CNTNAP4: variants seen among roughly 807,000 people sequenced by gnomAD.
CNTNAP4 encodes the protein contactin associated protein family member 4, also known as contactin-associated protein-like 4.
Under a neutral mutation model 148.4 loss-of-function variants are expected in CNTNAP4, and 98 were observed. That is an observed-to-expected ratio of 0.66 (90% CI 0.56 to 0.78). CNTNAP4 has a LOEUF of 0.78. CNTNAP4 is among the 30% of genes least tolerant of loss of function. The pLI is 0.00. For synonymous variants in CNTNAP4, 730 were observed against 565.1 expected, an observed-to-expected ratio of 1.29 and a Z score of -4.14; for missense variants, 1,935 against 1,565.6, an observed-to-expected ratio of 1.24 and a Z score of -3.98.
chr16:76,548,661 C>T (rs924934402), intron 21 of CNTNAP4, among the ~76,000 whole-genome samples: 1 of 151,964 alleles, frequency 6.6e-6, no homozygotes, highest in African/African-American at 2.4e-5. Context: ...TTAACAGGCA[C>T]AAACACCCAG....
intron 14 of CNTNAP4, among the ~76,000 whole-genome samples, chr16:76,498,070 A>T (rs1230822570): frequency 6.6e-6 from 1 of 152,198 alleles, no homozygotes; most frequent in Admixed American, 6.5e-5. Flanking sequence ...TCTCTATTAC[A>T]TATTTTCTAC....
intron 1 of CNTNAP4, among the ~76,000 whole-genome samples, chr16:76,304,829 C>T (rs1026605508): frequency 2.0e-5 from 3 of 152,144 alleles, no homozygotes; most frequent in African/African-American, 7.2e-5. Context: ...TGTGGTCCCC[C>T]GAGGATGTCC....
At position 76,541,300 on chromosome 16, in the gene CNTNAP4, G is replaced by A. The variant is rs142218096; in HGVS notation, c.3442+510G>A. Among the ~76,000 whole-genome samples the A allele has an allele frequency of 4.9e-3, 744 of 152,260 alleles. 4 individuals carry two copies. Among genetic ancestry groups the A allele is most frequent in the African/African-American group, 0.015 (619 of 41,550 alleles). ...ACGCTTGCTCAGATGCAATCTAAAT[G>A]CCTTATAATGCTTATTTATTTCCAT... On this transcript the variant is annotated intron_variant, in intron 21 of 23. Transcript: ENST00000611870.
At chr16:76,295,815 G>A (rs950527419) in intron 1 of CNTNAP4, among the ~76,000 whole-genome samples, 4 of 152,084 alleles carry the variant, frequency 2.6e-5, no homozygotes, top group African/African-American at 9.7e-5. Flanking sequence ...TTCTGAATAA[G>A]AATTTATTTA....
In CNTNAP4 at chr16:76,277,576, G is replaced by C; in HGVS notation, c.-87G>C. 2.3e-6 allele frequency: 2 copies of C among 868,700 alleles called. No individual in the cohort carries two copies. Among genetic ancestry groups the C allele is most frequent in the Non-Finnish European group, 3.8e-6 (2 of 532,294 alleles). The allele number at this position is 868,700 out of a possible 1,614,324, so 53.8% of individuals were successfully genotyped here. A position where few individuals can be genotyped will look rare whatever the true frequency, so the allele number is the denominator to read the frequency against. ...GAGACCTAGAGGGGCTGAAGACCCA[G>C]ACAGAGCTGGCAGAGCTACTGAGAA... is the stretch of plus-strand genomic sequence containing the variant. On this transcript the variant is annotated 5_prime_UTR_variant, in exon 1 of 24. Transcript: ENST00000611870.
intron 4 of CNTNAP4, among the ~76,000 whole-genome samples, chr16:76,443,659 T>TA (rs2080127800): frequency 6.6e-6 from 1 of 152,200 alleles, no homozygotes; most frequent in African/African-American, 2.4e-5. Flanking sequence ...TTAATTTAAA[T>TA]ATTAATTTTA....
intron 14 of CNTNAP4, among the ~76,000 whole-genome samples, chr16:76,497,664 G>T (rs2879778): frequency 0.031 from 4,737 of 151,186 alleles, 116 homozygotes; most frequent in African/African-American, 0.069. Context: ...AAGGACATGG[G>T]GGGGAACATC....
intron 3 of CNTNAP4, among the ~76,000 whole-genome samples, chr16:76,381,437 G>GA (rs1225581742): frequency 2.6e-5 from 4 of 152,120 alleles, no homozygotes; most frequent in African/African-American, 9.7e-5. Context: ...TGTGCTAGTG[G>GA]AAAGAGGATG....
At chr16:76,331,380 G>A (rs981740868) in intron 2 of CNTNAP4, among the ~76,000 whole-genome samples, 14 of 151,942 alleles carry the variant, frequency 9.2e-5, no homozygotes, top group South Asian at 4.2e-4. Flanking sequence ...AGTAGAGGCA[G>A]GGTTTCACAG....
intron 3 of CNTNAP4, among the ~76,000 whole-genome samples, chr16:76,381,904 C>A (rs919888226): frequency 2.6e-5 from 4 of 151,578 alleles, no homozygotes; most frequent in Non-Finnish European, 4.4e-5. Flanking sequence ...ACTAAAAATA[C>A]AAAAATTAGC....
In CNTNAP4 at chr16:76,424,738, G is replaced by C. The variant is rs113284390; in HGVS notation, c.391-2714G>C. On this transcript the variant is annotated intron_variant, in intron 3 of 23. Transcript: ENST00000611870. ...TGTGCCACTGCACTCCAGCCTGGGT[G>C]ACAGAGTGAGACTCGGTCTAAAAAA... 6.8e-4 allele frequency among the ~76,000 whole-genome samples: 103 copies of C among 151,018 alleles called. 1 individual carries two copies. The highest frequency in any genetic ancestry group is 2.4e-3 in the African/African-American group (100 of 41,006).
In CNTNAP4 at chr16:76,440,870, G is replaced by A. The variant is rs898542429; in HGVS notation, c.539-7142G>A. ...TGAGGAGGACATTGCTTTTTCAAGT[G>A]ACAACCCCTCAAAATTTGAGAAGCC... On this transcript the variant is annotated intron_variant, in intron 4 of 23. Transcript: ENST00000611870. 3.4e-4 allele frequency among the ~76,000 whole-genome samples: 52 copies of A among 152,064 alleles called. 1 individual carries two copies. Among genetic ancestry groups the A allele is most frequent in the African/African-American group, 1.2e-3 (48 of 41,416 alleles).
intron 21 of CNTNAP4, among the ~76,000 whole-genome samples, chr16:76,541,523 A>T (rs1242845058): frequency 6.6e-6 from 1 of 152,206 alleles, no homozygotes; most frequent in Non-Finnish European, 1.5e-5. Flanking sequence ...GGGCTCTTGT[A>T]GCCTAATTTT....
In CNTNAP4 at chr16:76,507,220, A is replaced by G. The variant is rs541208024; in HGVS notation, c.2365+8526A>G. 5.1e-5 allele frequency among the ~76,000 whole-genome samples: 5 copies of G among 97,658 alleles called. 1 individual carries two copies. In the East Asian group the frequency reaches 2.6e-3, roughly 52 times the overall value. 64.1% of individuals were successfully genotyped at this position (97,658 alleles called of 152,430 possible). On this transcript the variant is annotated intron_variant, in intron 15 of 23. Transcript: ENST00000611870. ...TTTAAGCATTTATCCTTTGTGTTAC[A>G]AATAATCTAATTATACTATTTTTGT...
intron 2 of CNTNAP4, among the ~76,000 whole-genome samples, chr16:76,349,508 G>A (rs1027103645): frequency 2.6e-5 from 4 of 151,990 alleles, no homozygotes; most frequent in African/African-American, 9.7e-5. Flanking sequence ...CTGGGGACAC[G>A]GCACACCATT....
intron 2 of CNTNAP4, among the ~76,000 whole-genome samples, chr16:76,351,665 C>T (rs966857097): frequency 6.6e-6 from 1 of 152,138 alleles, no homozygotes; most frequent in Non-Finnish European, 1.5e-5. Flanking sequence ...AATTTGCATA[C>T]CAGTAGTACC....
intron 2 of CNTNAP4, among the ~76,000 whole-genome samples, chr16:76,340,608 G>C (rs138641621): frequency 6.6e-6 from 1 of 152,054 alleles, no homozygotes; most frequent in African/African-American, 2.4e-5. Flanking sequence ...AACTTTCTCC[G>C]ATGCTTTCAT....
Position 76,467,334 on chromosome 16 carries a change from T to C in CNTNAP4, c.1484-18T>C. 6.2e-7 allele frequency: 1 copy of C among 1,611,966 alleles called. No individual in the cohort carries two copies. The highest frequency in any genetic ancestry group is 8.5e-7 in the Non-Finnish European group (1 of 1,178,258). ...TGATTCATTGTGATGCGTACTGGAT[T>C]TATTTCGTTTTTATCAGGTTGTCCT... On this transcript the variant is annotated intron_variant, in intron 9 of 23. Coordinates refer to ENST00000611870, the MANE Select transcript of CNTNAP4 (RefSeq NM_033401.5).
At chr16:76,342,313 A>G (rs535492659) in intron 2 of CNTNAP4, among the ~76,000 whole-genome samples, 9 of 152,326 alleles carry the variant, frequency 5.9e-5, no homozygotes, top group Admixed American at 5.2e-4. Flanking sequence ...GGGCAATTAT[A>G]TAACACAATA....
Sources: gnomAD v4.1 joint callset for allele counts (sites outside exome capture counted in the v4.1 genomes callset) on GRCh38, gnomAD v4.1.1 for gene constraint, MANE v1.5 for transcripts, NCBI Gene and HGNC (gene_info 2026-07-23, HGNC 2026-07-21) for gene names.